METTL16: variants seen among roughly 807,000 people sequenced by gnomAD.
The protein encoded by METTL16 is RNA N(6)-adenosine-methyltransferase METTL16.
METTL16 carries 19 observed loss-of-function variants against 57.9 expected under a neutral mutation model. The ratio of observed to expected loss-of-function variants is 0.33; its 90% CI spans 0.23 to 0.48. METTL16 has a LOEUF of 0.48. Among genes scored for constraint, METTL16 ranks in the 20% least tolerant of loss-of-function variants. The pLI is 0.99. For synonymous variants in METTL16, 246 were observed against 255.6 expected (o/e 0.96, Z 0.36); for missense variants, 434 against 691.5 (o/e 0.63, Z 4.18).
intron 2 of METTL16, among the ~76,000 whole-genome samples, chr17:2,494,665 C>G (rs1045090106): frequency 7.9e-5 from 12 of 151,928 alleles, no homozygotes; most frequent in African/African-American, 2.9e-4. Flanking sequence ...ATAATCCTAC[C>G]ACTGCACTCC....
intron 8 of METTL16, among the ~76,000 whole-genome samples, chr17:2,428,400 G>T (rs1233354500): frequency 6.6e-6 from 1 of 151,310 alleles, no homozygotes; most frequent in Non-Finnish European, 1.5e-5. Flanking sequence ...GCGGTTAACT[G>T]TGCCTCAGTA....
intron 6 of METTL16, among the ~76,000 whole-genome samples, chr17:2,463,849 G>A (rs1384134391): frequency 6.6e-6 from 1 of 152,000 alleles, no homozygotes; most frequent in Non-Finnish European, 1.5e-5. Flanking sequence ...AGGGGAGGCC[G>A]GGCACAGAGC....
rs764612633 is a variant in METTL16, at chr17:2,473,539, A to G, written c.454T>C (p.Ser152Pro). 2.2e-5 allele frequency: 35 copies of G among 1,613,474 alleles called. No homozygotes were observed. The highest frequency in any genetic ancestry group is 6.7e-5 in the East Asian group (3 of 44,870). The change falls in exon 4 of 10, where the codon TCT becomes CCT. Residue 152 changes from serine (S) to proline (P), a missense_variant. Ser to Pro is a moderately conservative substitution (Grantham distance 74). Around this residue, in one of 5 missense-constraint regions of METTL16, gnomAD observed 118 missense variants for 280.0 expected, o/e 0.42. Transcript: ENST00000263092. ...TGGCGCTAACCTTTTATGAGATCAG[A>G]TAAGTTATTCTGTTCCACATTTTTC... ...AKKNVEQNNL[S>P]DLIKVVKVPQ...
intron 6 of METTL16, 30 bp from the exon 7 acceptor site, chr17:2,441,589 A>C: frequency 6.8e-7 from 1 of 1,471,490 alleles, no homozygotes; most frequent in South Asian, 1.3e-5. Context: ...ACAAGTAAAT[A>C]CGGTTTATGT....
intron 6 of METTL16, among the ~76,000 whole-genome samples, chr17:2,461,508 A>G (rs1318747164): frequency 1.3e-5 from 2 of 152,040 alleles, no homozygotes; most frequent in African/African-American, 4.8e-5. Flanking sequence ...AAAAGGTAGT[A>G]GTAGCTCCTG....
At chr17:2,471,192 AAC>A in intron 4 of METTL16, among the ~76,000 whole-genome samples, 1 of 152,316 alleles carries the variant, frequency 6.6e-6, no homozygotes, top group African/African-American at 2.4e-5. Context: ...CCTAGAAAGT[AAC>A]AGAGTCCTGC....
At chr17:2,496,573 T>C (rs946677557) in intron 2 of METTL16, among the ~76,000 whole-genome samples, 1 of 151,872 alleles carries the variant, frequency 6.6e-6, no homozygotes, top group Non-Finnish European at 1.5e-5. Context: ...CCTTCTTTTC[T>C]ACTTTATTTG....
chr17:2,456,947 T>C (rs2067115208), intron 6 of METTL16, among the ~76,000 whole-genome samples: 1 of 140,490 alleles, frequency 7.1e-6, no homozygotes, highest in Admixed American at 7.2e-5. Flanking sequence ...GCACCCGGCC[T>C]TTTTTTTTTT....
intron 1 of METTL16, among the ~76,000 whole-genome samples, chr17:2,506,936 C>T (rs2067542522): frequency 6.6e-6 from 1 of 151,370 alleles, no homozygotes; most frequent in Admixed American, 6.6e-5. Context: ...TGCCCGGCCG[C>T]CCCGTCTGAG....
At chr17:2,430,413 T>A (rs938912464) in intron 8 of METTL16, among the ~76,000 whole-genome samples, 13 of 76,572 alleles carry the variant, frequency 1.7e-4, no homozygotes, top group African/African-American at 8.1e-4. Flanking sequence ...TAGAATTCTC[T>A]TTTTTTTTTT....
intron 6 of METTL16, chr17:2,460,070 G>C (rs1210924775): frequency 6.6e-6 from 1 of 152,190 alleles, no homozygotes; most frequent in Non-Finnish European, 1.5e-5. Context: ...TTGTACAAAT[G>C]TAAGTCATCA....
intron 4 of METTL16, among the ~76,000 whole-genome samples, chr17:2,470,841 A>G (rs2067230272): frequency 6.6e-6 from 1 of 152,200 alleles, no homozygotes; most frequent in Non-Finnish European, 1.5e-5. Context: ...AAACATATAC[A>G]TACACTTTAG....
At chr17:2,478,196 T>A (rs2067280521) in intron 2 of METTL16, among the ~76,000 whole-genome samples, 1 of 152,240 alleles carries the variant, frequency 6.6e-6, no homozygotes, top group African/African-American at 2.4e-5. Flanking sequence ...TTTACCTCTA[T>A]GAAAGTGTTT....
intron 8 of METTL16, among the ~76,000 whole-genome samples, chr17:2,432,718 G>A (rs2066882337): frequency 6.6e-6 from 1 of 152,144 alleles, no homozygotes; most frequent in Non-Finnish European, 1.5e-5. Flanking sequence ...AGAGGGATTA[G>A]AGAGCTGTAG....
chr17:2,467,186 A>G (rs1031990273), intron 5 of METTL16, among the ~76,000 whole-genome samples: 12 of 152,098 alleles, frequency 7.9e-5, no homozygotes, highest in Admixed American at 3.3e-4. Flanking sequence ...GAGAGCCGAA[A>G]GTACTTCAAA....
chr17:2,445,446 C>CA (rs1216303574), intron 6 of METTL16, among the ~76,000 whole-genome samples: 2 of 152,046 alleles, frequency 1.3e-5, no homozygotes, highest in Non-Finnish European at 2.9e-5. Flanking sequence ...TTGTACCCCC[C>CA]AAAAAATACA....
intron 1 of METTL16, among the ~76,000 whole-genome samples, chr17:2,505,167 T>C (rs977884568): frequency 2.0e-5 from 3 of 151,850 alleles, no homozygotes; most frequent in African/African-American, 7.2e-5. Context: ...ATTATATATA[T>C]ATATATCTCT....
chr17:2,503,229 CA>C (rs1353179389), intron 1 of METTL16, among the ~76,000 whole-genome samples: 5 of 152,074 alleles, frequency 3.3e-5, no homozygotes, highest in African/African-American at 7.2e-5. Context: ...TGTGGACCAA[CA>C]AAATACAGTA....
At chr17:2,482,477 C>T (rs1597464041) in intron 2 of METTL16, among the ~76,000 whole-genome samples, 2 of 152,216 alleles carry the variant, frequency 1.3e-5, no homozygotes, top group South Asian at 4.2e-4. Context: ...TTACAAACCA[C>T]GACAACATAC....
Sources: allele counts gnomAD v4.1 joint callset (sites outside exome capture counted in the v4.1 genomes callset), GRCh38; gene constraint gnomAD v4.1.1; regional missense constraint gnomAD v4.1.1; transcripts MANE v1.5; gene names NCBI Gene and HGNC (gene_info 2026-07-23, HGNC 2026-07-21).